Variants in EVL observed in about 807,000 individuals in gnomAD.
EVL encodes ena/VASP-like protein.
EVL carries 21 observed loss-of-function variants against 59.6 expected under a neutral mutation model. The ratio of observed to expected loss-of-function variants is 0.35; its 90% CI spans 0.25 to 0.51. The LOEUF (loss-of-function observed/expected upper bound fraction) is 0.51. Among genes scored for constraint, EVL ranks in the 20% least tolerant of loss-of-function variants. The pLI is 0.97. For synonymous variants in EVL, 198 were observed against 203.5 expected (o/e 0.97, Z 0.23); for missense variants, 462 against 546.6 (o/e 0.85, Z 1.54).
At chr14:100,078,926 A>G (rs895220982) in intron 1 of EVL, among the ~76,000 whole-genome samples, 1 of 152,252 alleles carries the variant, frequency 6.6e-6, no homozygotes, top group Non-Finnish European at 1.5e-5. Context: ...AAGTCTGAGC[A>G]TTAAGGCTGA....
intron 1 of EVL, among the ~76,000 whole-genome samples, chr14:100,070,832 TCA>T (rs2062034326): frequency 1.3e-5 from 2 of 152,166 alleles, no homozygotes; most frequent in South Asian, 4.1e-4. Context: ...GTGATCAGAG[TCA>T]CAGACTCTGG....
chr14:100,129,723 A>C (rs1177227667), intron 7 of EVL, 39 bp downstream of exon 7: 1 of 1,509,074 alleles, frequency 6.6e-7, no homozygotes, highest in South Asian at 1.3e-5. Flanking sequence ...TGTGCCTAGC[A>C]GGAAGCTCCT....
chr14:99,995,287 C>G (rs1445814236), intron 1 of EVL, among the ~76,000 whole-genome samples: 1 of 152,028 alleles, frequency 6.6e-6, no homozygotes, highest in Non-Finnish European at 1.5e-5. Flanking sequence ...GGATGGTAGT[C>G]GATAAGTTCT....
intron 3 of EVL, among the ~76,000 whole-genome samples, chr14:100,100,565 A>G (rs1212107260): frequency 6.6e-6 from 1 of 152,130 alleles, no homozygotes; most frequent in Non-Finnish European, 1.5e-5. Context: ...TTAAGAATAG[A>G]TACGAAGTCC....
chr14:100,085,957 C>T (rs925442310), intron 2 of EVL, among the ~76,000 whole-genome samples: 12 of 152,202 alleles, frequency 7.9e-5, no homozygotes, highest in African/African-American at 2.4e-4. Context: ...GAAACCCCAT[C>T]TCTACTAAAA....
rs1595152748 is a variant in EVL, at chr14:100,084,954, A to C, written c.180+99A>C. On this transcript the variant is annotated intron_variant, in intron 2 of 13. Coordinates refer to ENST00000392920, the MANE Select transcript of EVL (RefSeq NM_016337.3). ...GTATCATTAAGAGGTCAGAACAAAA[A>C]GGTCAATATTCGGAATCAGAGGACC... The C allele has an allele frequency of 2.2e-6, 3 of 1,355,584 alleles. No homozygotes were observed. In the East Asian group the frequency reaches 7.0e-5, roughly 32 times the overall value. The allele number at this position is 1,355,584 out of a possible 1,614,324, so 84.0% of individuals were successfully genotyped here.
At chr14:100,044,842 T>C (rs921404166) in intron 1 of EVL, among the ~76,000 whole-genome samples, 10 of 152,012 alleles carry the variant, frequency 6.6e-5, no homozygotes, top group African/African-American at 2.4e-4. Context: ...CTCACTTTGG[T>C]GGGAGCTTGG....
chr14:100,081,579 A>G (rs1317704355), intron 1 of EVL, among the ~76,000 whole-genome samples: 1 of 151,260 alleles, frequency 6.6e-6, no homozygotes, highest in Non-Finnish European at 1.5e-5. Context: ...ATTGGTCTTC[A>G]GGCATCTAGT....
intron 12 of EVL, 111 bp from the exon 13 acceptor site, chr14:100,141,625 C>G (rs1467879080): frequency 1.0e-6 from 1 of 960,568 alleles, no homozygotes; most frequent in Admixed American, 2.6e-5. Context: ...GTGACAGATG[C>G]AACTCTGGAG....
chr14:100,141,154 G>A, intron 11 of EVL, 26 bp from the exon 12 acceptor site: 1 of 1,611,656 alleles, frequency 6.2e-7, no homozygotes, highest in South Asian at 1.1e-5. Context: ...TCCAGCCAGG[G>A]CACCCACAGG....
chr14:100,110,376 GAAA>G (rs796882861), intron 3 of EVL, among the ~76,000 whole-genome samples: 1 of 141,358 alleles, frequency 7.1e-6, no homozygotes, highest in African/African-American at 2.6e-5. Context: ...GCTGTCTCAG[GAAA>G]AAAAAAAAAA....
At chr14:100,084,511 C>T (rs1212605849) in intron 1 of EVL, among the ~76,000 whole-genome samples, 176 bp from the exon 2 acceptor site, 1 of 152,214 alleles carries the variant, frequency 6.6e-6, no homozygotes, top group Non-Finnish European at 1.5e-5. Flanking sequence ...CTGCAAGCTC[C>T]TTAGAGAATG....
At chr14:100,094,955 C>T (rs776992544) in intron 2 of EVL, among the ~76,000 whole-genome samples, 3 of 151,870 alleles carry the variant, frequency 2.0e-5, no homozygotes, top group African/African-American at 7.3e-5. Flanking sequence ...GCAGGAGAAA[C>T]GTTTGAACCC....
At chr14:100,026,243 CAAA>C (rs58784988) in intron 1 of EVL, among the ~76,000 whole-genome samples, 1 of 143,444 alleles carries the variant, frequency 7.0e-6, no homozygotes, top group African/African-American at 2.5e-5. Flanking sequence ...AAAAAAAAAA[CAAA>C]AAAAAAACAC....
At chr14:100,025,544 CA>C (rs1349405269) in intron 1 of EVL, among the ~76,000 whole-genome samples, 1 of 152,236 alleles carries the variant, frequency 6.6e-6, no homozygotes, top group Non-Finnish European at 1.5e-5. Context: ...GATCACATAT[CA>C]CCATCTATAT....
chr14:100,124,266 A>C (rs1434919658), intron 4 of EVL, among the ~76,000 whole-genome samples: 1 of 152,090 alleles, frequency 6.6e-6, no homozygotes, highest in African/African-American at 2.4e-5. Flanking sequence ...TCAGATAGGG[A>C]GTCAAGCTGC....
At chr14:100,031,967 G>A (rs560587018) in intron 1 of EVL, among the ~76,000 whole-genome samples, 41 of 152,318 alleles carry the variant, frequency 2.7e-4, no homozygotes, top group African/African-American at 9.6e-4. Flanking sequence ...CCCTCGCAGG[G>A]CTCCCCTGCC....
chr14:99,988,043 T>C (rs1448423294), intron 1 of EVL, among the ~76,000 whole-genome samples: 1 of 151,444 alleles, frequency 6.6e-6, no homozygotes, highest in East Asian at 2.0e-4. Flanking sequence ...GCCTCCCAAG[T>C]TGCTGGGATT....
intron 3 of EVL, chr14:100,107,687 A>G (rs1256478206): frequency 6.0e-6 from 1 of 167,566 alleles, no homozygotes; most frequent in Non-Finnish European, 1.3e-5. Context: ...GGTTCTCACT[A>G]ATGAAATCTT....
Sources: gnomAD v4.1 joint callset for allele counts (sites outside exome capture counted in the v4.1 genomes callset) on GRCh38, gnomAD v4.1.1 for gene constraint, MANE v1.5 for transcripts, NCBI Gene and HGNC (gene_info 2026-07-23, HGNC 2026-07-21) for gene names.